NXN: variants seen among roughly 807,000 people sequenced by gnomAD.
NXN encodes nucleoredoxin 1.
NXN carries 16 observed loss-of-function variants against 48.6 expected under a neutral mutation model. That is an observed-to-expected ratio of 0.33 (90% CI 0.22 to 0.50). The LOEUF (loss-of-function observed/expected upper bound fraction) is 0.50. Among genes scored for constraint, NXN ranks in the 20% least tolerant of loss-of-function variants. The pLI, the probability that NXN is intolerant of heterozygous loss-of-function variation, is 0.98. For missense variants in NXN, 492 were observed against 605.5 expected, an observed-to-expected ratio of 0.81 and a Z score of 1.97; for synonymous variants, 281 against 269.6, an observed-to-expected ratio of 1.04 and a Z score of -0.41.
At chr17:827,795 G>C (rs1217672867) in intron 1 of NXN, among the ~76,000 whole-genome samples, 1 of 152,222 alleles carries the variant, frequency 6.6e-6, no homozygotes, top group African/African-American at 2.4e-5. Context: ...AACAGGGCAA[G>C]GATGTGTGGC....
chr17:954,679 G>A (rs1019338928), intron 1 of NXN, among the ~76,000 whole-genome samples: 7 of 152,192 alleles, frequency 4.6e-5, no homozygotes, highest in African/African-American at 1.7e-4. Context: ...CTCGGGAAGG[G>A]GGCTAACTGC....
At chr17:972,357 A>G (rs891590003) in intron 1 of NXN, among the ~76,000 whole-genome samples, 3 of 152,078 alleles carry the variant, frequency 2.0e-5, no homozygotes, top group East Asian at 1.9e-4. Flanking sequence ...GGCGCCTGTA[A>G]TCCCAGCTAC....
chr17:810,287 CGTGCACGTTACGAGTCTGTGAGTGGT>C (rs1911900758), intron 5 of NXN, among the ~76,000 whole-genome samples: 8 of 82,600 alleles, frequency 9.7e-5, no homozygotes, highest in South Asian at 4.8e-4. Flanking sequence ...CTGTGAGTGG[CGTGCACGTTACGAGTCTGTGAGTGGT>C]GTGCACGTTA....
chr17:861,220 G>A (rs746978611), intron 1 of NXN, among the ~76,000 whole-genome samples: 3 of 152,110 alleles, frequency 2.0e-5, no homozygotes, highest in Admixed American at 6.5e-5. Context: ...TGCAACCTCC[G>A]CCTCCTGGGT....
chr17:836,611 G>A (rs148520255), intron 1 of NXN, among the ~76,000 whole-genome samples: 1 of 152,110 alleles, frequency 6.6e-6, no homozygotes, highest in Non-Finnish European at 1.5e-5. Context: ...TCCAGAGCCC[G>A]GCTCTTCCAT....
At chr17:806,062 A>G (rs895805587) in intron 5 of NXN, among the ~76,000 whole-genome samples, 4 of 151,064 alleles carry the variant, frequency 2.6e-5, no homozygotes, top group Non-Finnish European at 4.4e-5. Flanking sequence ...GCCGGGGGGA[A>G]CCTGAGGCTG....
chr17:825,848 G>GTGTA lies in NXN; in HGVS notation c.478+109_478+112dup. 4.4e-6 allele frequency: 3 copies of GTGTA among 686,028 alleles called. No homozygotes were observed. The highest frequency in any genetic ancestry group is 7.8e-6 in the Non-Finnish European group (3 of 386,908). The allele number at this position is 686,028 out of a possible 1,614,324, so 42.5% of individuals were successfully genotyped here. On this transcript the variant is annotated intron_variant, in intron 2 of 7. Coordinates refer to ENST00000336868, the MANE Select transcript of NXN (RefSeq NM_022463.5). This position sits in a 1 kb window ranked among gnomAD's most constrained non-coding sequence, Gnocchi z 4.1. ...GACATTCTCTACCACGTAAACCCAC[G>GTGTA]TGTATCTATTTCACCAGTACTCTCT...
At chr17:901,362 C>A (rs548981992) in intron 1 of NXN, among the ~76,000 whole-genome samples, 1 of 152,172 alleles carries the variant, frequency 6.6e-6, no homozygotes, top group Non-Finnish European at 1.5e-5. Context: ...GACACTTAAT[C>A]AACGCTAGCT....
At chr17:959,570 G>A (rs1278398169) in intron 1 of NXN, among the ~76,000 whole-genome samples, 1 of 152,138 alleles carries the variant, frequency 6.6e-6, no homozygotes, top group Non-Finnish European at 1.5e-5. Context: ...GCTGAGGCGG[G>A]CAGATTACTT....
intron 1 of NXN, among the ~76,000 whole-genome samples, chr17:916,754 C>G (rs2068692288): frequency 1.3e-5 from 2 of 152,130 alleles, no homozygotes; most frequent in South Asian, 2.1e-4. Flanking sequence ...AAAAACTAGC[C>G]AGGTGTGGTG....
chr17:869,136 C>A (rs539304090), intron 1 of NXN, among the ~76,000 whole-genome samples: 2 of 152,164 alleles, frequency 1.3e-5, no homozygotes, highest in South Asian at 2.1e-4. Flanking sequence ...ACCCCACTGA[C>A]CAGACAGTTC....
At chr17:896,468 C>T (rs966706652) in intron 1 of NXN, among the ~76,000 whole-genome samples, 50 of 151,544 alleles carry the variant, frequency 3.3e-4, no homozygotes, top group African/African-American at 1.0e-3. Context: ...GATCGTGCCA[C>T]GGCACTCCAG....
intron 1 of NXN, among the ~76,000 whole-genome samples, chr17:944,225 G>C: frequency 6.6e-6 from 1 of 152,158 alleles, no homozygotes; most frequent in Non-Finnish European, 1.5e-5. Flanking sequence ...GAAAACAAGA[G>C]CGAAACTCCA....
rs143476063 is a variant in NXN, at chr17:851,696, C to T, written c.361-25618G>A. 2.3e-4 allele frequency among the ~76,000 whole-genome samples: 35 copies of T among 152,274 alleles called. 1 individual carries two copies. The highest frequency in any genetic ancestry group is 8.4e-4 in the African/African-American group (35 of 41,564). On this transcript the variant is annotated intron_variant, in intron 1 of 7. Transcript: ENST00000336868. ...CCCTCCTCACTCCGATGCTTATTTACTTATTTTGCTTTGAATAGACTCCTT... is the reference window on the plus strand; with the variant it reads ...CCCTCCTCACTCCGATGCTTATTTATTTATTTTGCTTTGAATAGACTCCTT...
chr17:931,225 T>A (rs2068849841), intron 1 of NXN, among the ~76,000 whole-genome samples: 1 of 149,414 alleles, frequency 6.7e-6, no homozygotes, highest in Admixed American at 6.8e-5. Flanking sequence ...AAGTCGAGGC[T>A]GCAGTGAGCT....
At chr17:911,976 T>C (rs142311231) in intron 1 of NXN, among the ~76,000 whole-genome samples, 1,577 of 150,646 alleles carry the variant, frequency 0.01, 27 homozygotes, top group African/African-American at 0.034. Flanking sequence ...CTCACTCTGT[T>C]GCCCAGGCTG....
At chr17:871,917 A>G (rs2068159079) in intron 1 of NXN, among the ~76,000 whole-genome samples, 1 of 151,892 alleles carries the variant, frequency 6.6e-6, no homozygotes, top group Non-Finnish European at 1.5e-5. Flanking sequence ...CTCGGGGGTG[A>G]GGGATTGGGG....
chr17:881,500 T>C lies in NXN; in HGVS notation c.361-55422A>G, dbSNP rs376993848. Among the ~76,000 whole-genome samples the C allele has an allele frequency of 7.9e-5, 12 of 152,332 alleles. No individual in the cohort carries two copies. The South Asian group carries it at 1.7e-3, about 21-fold the overall frequency. On this transcript the variant is annotated intron_variant, in intron 1 of 7. Coordinates refer to ENST00000336868, the MANE Select transcript of NXN (RefSeq NM_022463.5). ...CCTTGGCCTCCCAAAGTGCTGGGAT[T>C]ACAGGCGTGAGCCGCCATGCCTGGT...
At chr17:935,257 G>C (rs1242608650) in intron 1 of NXN, among the ~76,000 whole-genome samples, 1 of 142,018 alleles carries the variant, frequency 7.0e-6, no homozygotes, top group Middle Eastern at 3.7e-3. Flanking sequence ...GCCTCCCAAA[G>C]TGCTGGAATT....
Sources: allele counts gnomAD v4.1 joint callset (sites outside exome capture counted in the v4.1 genomes callset), GRCh38; gene constraint gnomAD v4.1.1; non-coding constraint Gnocchi (gnomAD v3.1); transcripts MANE v1.5; gene names NCBI Gene and HGNC (gene_info 2026-07-23, HGNC 2026-07-21).